The following SCOC variants were observed in gnomAD, a reference collection of about 807,000 sequenced individuals.
The protein encoded by SCOC is short coiled coil protein.
Under a neutral mutation model 9.9 loss-of-function variants are expected in SCOC, and 7 were observed. That is an observed-to-expected ratio of 0.71 (90% CI 0.40 to 1.33). The LOEUF (loss-of-function observed/expected upper bound fraction) is 1.33, where lower values mean the gene tolerates loss of function less well. SCOC is among the 40% of genes most tolerant of loss of function. The pLI, the probability that SCOC is intolerant of heterozygous loss-of-function variation, is 0.01. For synonymous variants in SCOC, 19 were observed against 28.2 expected (o/e 0.67, Z 1.03); for missense variants, 66 against 89.7 (o/e 0.74, Z 1.07).
intron 1 of SCOC, among the ~76,000 whole-genome samples, chr4:140,331,090 G>A (rs1490199504): frequency 6.6e-6 from 1 of 152,124 alleles, no homozygotes; most frequent in Non-Finnish European, 1.5e-5. Context: ...CCTCAAGTCT[G>A]GGCAATGGTG....
intron 2 of SCOC, among the ~76,000 whole-genome samples, chr4:140,363,174 G>A (rs1413683557): frequency 6.6e-6 from 1 of 152,148 alleles, no homozygotes; most frequent in Non-Finnish European, 1.5e-5. Context: ...ATAGGTAACA[G>A]CAACAAATCA....
chr4:140,291,164 C>A, intron 1 of SCOC, among the ~76,000 whole-genome samples: 1 of 152,156 alleles, frequency 6.6e-6, no homozygotes, highest in Non-Finnish European at 1.5e-5. Flanking sequence ...TGCTCCTGGG[C>A]TTTCTGAAAG....
chr4:140,345,808 C>A (rs1726713920), intron 2 of SCOC, among the ~76,000 whole-genome samples: 1 of 151,988 alleles, frequency 6.6e-6, no homozygotes, highest in Non-Finnish European at 1.5e-5. Flanking sequence ...GAGCACAGAG[C>A]CAATTAGAGG....
At chr4:140,328,691 A>G (rs1168435272) in intron 1 of SCOC, among the ~76,000 whole-genome samples, 2 of 152,170 alleles carry the variant, frequency 1.3e-5, no homozygotes, top group Non-Finnish European at 2.9e-5. Context: ...TAATTTGCAC[A>G]CTTTATTGTA....
intron 1 of SCOC, among the ~76,000 whole-genome samples, chr4:140,311,021 G>A (rs1200656077): frequency 6.6e-6 from 1 of 152,310 alleles, no homozygotes; most frequent in East Asian, 1.9e-4. Context: ...TAGAGAGTCT[G>A]CCTGTGCCAC....
chr4:140,288,529 G>GCA (rs1348207744), intron 1 of SCOC, among the ~76,000 whole-genome samples: 1 of 151,114 alleles, frequency 6.6e-6, no homozygotes, highest in African/African-American at 2.4e-5. Flanking sequence ...ATCCTCCTAT[G>GCA]CACACACACA....
exon 2 of SCOC, chr4:140,343,678 T>C: frequency 1.2e-6 from 2 of 1,613,680 alleles, no homozygotes; most frequent in Non-Finnish European, 1.7e-6. Flanking sequence ...AGACAGCACA[T>C]TCACCAACAT....
chr4:140,328,449 G>A (rs1205132666), intron 1 of SCOC, among the ~76,000 whole-genome samples: 2 of 152,206 alleles, frequency 1.3e-5, no homozygotes, highest in Admixed American at 6.5e-5. Flanking sequence ...TGCCACCTTC[G>A]AGTCGACCTC....
chr4:140,275,601 A>G lies in SCOC; in HGVS notation c.-19+18191A>G, dbSNP rs559066845. Among the ~76,000 whole-genome samples, 7 of 152,336 alleles carry G rather than the reference A, an allele frequency of 4.6e-5. No individual in the cohort carries two copies. In the East Asian group the frequency reaches 1.3e-3, roughly 29 times the overall value. On this transcript the variant is annotated intron_variant, in intron 1 of 4. Coordinates refer to the SCOC transcript ENST00000394205. ...AAAATTAGATTATTAACTTCTAGGA[A>G]GCAATCAGGGAGTCACAGAATTTCA...
At chr4:140,285,157 G>A (rs1338441589) in intron 1 of SCOC, 2 of 456,700 alleles carry the variant, frequency 4.4e-6, no homozygotes, top group Admixed American at 2.3e-5. Context: ...GAAGCAAACA[G>A]GAGTTGGGTC....
At chr4:140,271,698 A>T (rs1730849338) in intron 1 of SCOC, among the ~76,000 whole-genome samples, 2 of 152,210 alleles carry the variant, frequency 1.3e-5, no homozygotes, top group African/African-American at 4.8e-5. Flanking sequence ...AGAGCATCAA[A>T]GCTTTTGGGA....
intron 1 of SCOC, among the ~76,000 whole-genome samples, chr4:140,301,626 G>A (rs544844783): frequency 6.6e-6 from 1 of 152,234 alleles, no homozygotes; most frequent in Admixed American, 6.5e-5. Flanking sequence ...CTTTCTTCTT[G>A]TAGGATTCTT....
intron 1 of SCOC, among the ~76,000 whole-genome samples, chr4:140,274,859 ATTT>A (rs1242732186): frequency 6.6e-6 from 1 of 152,098 alleles, no homozygotes; most frequent in Admixed American, 6.6e-5. Flanking sequence ...ACCTTAGCCT[ATTT>A]TTTCTTCTCT....
intron 1 of SCOC, among the ~76,000 whole-genome samples, chr4:140,262,412 AG>A (rs1682172280): frequency 6.6e-6 from 1 of 152,186 alleles, no homozygotes; most frequent in African/African-American, 2.4e-5. Flanking sequence ...AGGGCTTTGA[AG>A]GACTCCATGT....
chr4:140,362,217 C>G (rs1364293168), intron 2 of SCOC, among the ~76,000 whole-genome samples: 1 of 106,348 alleles, frequency 9.4e-6, no homozygotes, highest in Non-Finnish European at 2.1e-5. Flanking sequence ...CTGGTAATTA[C>G]TAATTTTAAG....
intron 1 of SCOC, among the ~76,000 whole-genome samples, chr4:140,337,425 T>A (rs1732988363): frequency 6.6e-6 from 1 of 152,060 alleles, no homozygotes; most frequent in African/African-American, 2.4e-5. Flanking sequence ...AAATTCAAAA[T>A]TTACCACAAA....
intron 1 of SCOC, among the ~76,000 whole-genome samples, chr4:140,292,963 G>A (rs1731518565): frequency 2.0e-5 from 3 of 152,228 alleles, no homozygotes; most frequent in African/African-American, 7.2e-5. Flanking sequence ...TTCCAGTGCA[G>A]GAGAGAAGAG....
chr4:140,326,983 T>C (rs942655470), intron 1 of SCOC, among the ~76,000 whole-genome samples: 7 of 152,186 alleles, frequency 4.6e-5, no homozygotes, highest in Non-Finnish European at 2.9e-5. Flanking sequence ...CTTCTAATGA[T>C]TACACAAACA....
At chr4:140,376,703 A>G (rs1429403822) in intron 1 of SCOC, 1 of 152,074 alleles carries the variant, frequency 6.6e-6, no homozygotes, top group East Asian at 1.9e-4. Flanking sequence ...TAAACCATGC[A>G]TAGGTTTTCT....
Sources: gnomAD v4.1 joint callset for allele counts (sites outside exome capture counted in the v4.1 genomes callset) on GRCh38, gnomAD v4.1.1 for gene constraint, MANE v1.5 for transcripts, NCBI Gene and HGNC (gene_info 2026-07-23, HGNC 2026-07-21) for gene names.